Variants in MACROD2 observed in about 807,000 individuals in gnomAD.
MACROD2 encodes ADP-ribose glycohydrolase MACROD2.
MACROD2 carries 36 observed loss-of-function variants against 70.4 expected under a neutral mutation model. The observed-to-expected ratio is 0.51, with a 90% CI of 0.39 to 0.68. The LOEUF is 0.68. Among genes scored for constraint, MACROD2 ranks in the 30% least tolerant of loss-of-function variants. The probability of loss-of-function intolerance (pLI) is 0.00; values close to 1 mark genes in which losing one functional copy is unlikely to be tolerated. For synonymous variants in MACROD2, 172 were observed against 178.8 expected, an observed-to-expected ratio of 0.96 and a Z score of 0.30; for missense variants, 496 against 538.4, an observed-to-expected ratio of 0.92 and a Z score of 0.78.
chr20:14,453,061 G>A (rs1343035708), intron 3 of MACROD2, among the ~76,000 whole-genome samples: 1 of 152,140 alleles, frequency 6.6e-6, no homozygotes, highest in African/African-American at 2.4e-5. Flanking sequence ...AAAGAAAGAG[G>A]TTTTGAAGGG....
chr20:15,270,692 C>T (rs899688951), intron 6 of MACROD2, among the ~76,000 whole-genome samples: 2 of 152,152 alleles, frequency 1.3e-5, no homozygotes, highest in Admixed American at 1.3e-4. Context: ...CTGCCTCTGT[C>T]ATCAGTTCTG....
chr20:14,326,456 C>G lies in MACROD2; in HGVS notation c.272-167023C>G. On this transcript the variant is annotated intron_variant, in intron 3 of 17. Transcript: ENST00000684519. This position sits in a 1 kb window ranked among gnomAD's most constrained non-coding sequence, Gnocchi z 5.5. Reference sequence around the variant, plus strand: ...CCACTGTCCTTACAATCAAACAGTTCTGCATTGAGATCCTTAATAGCCATC... The same window carrying G: ...CCACTGTCCTTACAATCAAACAGTTGTGCATTGAGATCCTTAATAGCCATC... The G allele has an allele frequency of 3.1e-6, 5 of 1,613,844 alleles. No individual in the cohort carries two copies. Among genetic ancestry groups the G allele is most frequent in the Non-Finnish European group, 4.2e-6 (5 of 1,179,850 alleles).
intron 5 of MACROD2, among the ~76,000 whole-genome samples, chr20:14,910,009 A>G (rs2074007233): frequency 6.6e-6 from 1 of 152,164 alleles, no homozygotes; most frequent in Non-Finnish European, 1.5e-5. Context: ...TTCTAGCCAT[A>G]TCTTGCTAAT....
At chr20:14,196,557 A>T (rs1215916221) in intron 3 of MACROD2, among the ~76,000 whole-genome samples, 1 of 152,234 alleles carries the variant, frequency 6.6e-6, no homozygotes, top group East Asian at 1.9e-4. Flanking sequence ...ACCAAATATT[A>T]GTTTGAACTC....
intron 4 of MACROD2, among the ~76,000 whole-genome samples, chr20:14,526,755 A>C (rs899484401): frequency 6.6e-6 from 1 of 152,216 alleles, no homozygotes; most frequent in Non-Finnish European, 1.5e-5. Context: ...CTAGGGGAGC[A>C]TACAAACTGA....
chr20:14,102,668 A>C (rs529173597), intron 3 of MACROD2, among the ~76,000 whole-genome samples: 10 of 152,158 alleles, frequency 6.6e-5, no homozygotes, highest in Admixed American at 3.9e-4. Flanking sequence ...AAATTGTCCA[A>C]ATCACCACTG....
intron 5 of MACROD2, among the ~76,000 whole-genome samples, chr20:14,786,470 T>C (rs1322448997): frequency 6.6e-6 from 1 of 151,932 alleles, no homozygotes; most frequent in Non-Finnish European, 1.5e-5. Flanking sequence ...TTTCTTCTGC[T>C]GGCCAAAGTT....
intron 2 of MACROD2, among the ~76,000 whole-genome samples, chr20:14,005,583 G>A (rs967239160): frequency 6.6e-5 from 10 of 151,914 alleles, no homozygotes; most frequent in Middle Eastern, 3.2e-3. Flanking sequence ...AATCTACAAG[G>A]GACAATTCTT....
chr20:15,269,125 G>A (rs2077323197), intron 6 of MACROD2, among the ~76,000 whole-genome samples: 1 of 152,184 alleles, frequency 6.6e-6, no homozygotes, highest in African/African-American at 2.4e-5. Context: ...TGATTTCATT[G>A]GATTATAAAT....
intron 5 of MACROD2, among the ~76,000 whole-genome samples, chr20:15,001,563 C>T (rs902368006): frequency 6.6e-5 from 10 of 151,984 alleles, no homozygotes; most frequent in Non-Finnish European, 1.3e-4. Context: ...TTTGCAAGTA[C>T]GCTGCAATAT....
chr20:15,741,356 C>A (rs2051103605), intron 8 of MACROD2, among the ~76,000 whole-genome samples: 1 of 151,834 alleles, frequency 6.6e-6, no homozygotes, highest in African/African-American at 2.4e-5. Context: ...ACCTCAGCCT[C>A]CCAAAGTGCT....
chr20:14,508,448 C>T (rs2084993319), intron 4 of MACROD2, among the ~76,000 whole-genome samples: 1 of 152,168 alleles, frequency 6.6e-6, no homozygotes. Flanking sequence ...ACACAGTCTT[C>T]ATGCAAACGG....
intron 7 of MACROD2, among the ~76,000 whole-genome samples, chr20:15,481,074 A>C (rs976687601): frequency 2.6e-5 from 4 of 152,234 alleles, no homozygotes; most frequent in African/African-American, 9.6e-5. Context: ...TTCTTCAAAC[A>C]TGAAGGACCA....
At chr20:15,742,432 T>C (rs558991708) in intron 8 of MACROD2, among the ~76,000 whole-genome samples, 1 of 152,238 alleles carries the variant, frequency 6.6e-6, no homozygotes, top group Non-Finnish European at 1.5e-5. Flanking sequence ...TTGATCTAAA[T>C]TATCTGAGTA....
intron 4 of MACROD2, among the ~76,000 whole-genome samples, chr20:14,653,225 T>TC (rs1985776270): frequency 6.6e-6 from 1 of 150,566 alleles, no homozygotes; most frequent in South Asian, 2.1e-4. Flanking sequence ...AATTTTTTTT[T>TC]TTTTTTTTTT....
intron 4 of MACROD2, among the ~76,000 whole-genome samples, chr20:14,565,601 A>G (rs1979746656): frequency 6.6e-6 from 1 of 151,984 alleles, no homozygotes; most frequent in Admixed American, 6.6e-5. Context: ...CAAGTCCTAA[A>G]CTATTCTAAA....
intron 3 of MACROD2, among the ~76,000 whole-genome samples, chr20:14,348,431 G>T (rs1320165633): frequency 2.0e-5 from 3 of 151,934 alleles, no homozygotes. Flanking sequence ...ACCAGTTCAG[G>T]ATGTGTTATC....
rs560304296 is a variant in MACROD2, at chr20:14,690,978, C to T, written c.418+6019C>T. On this transcript the variant is annotated intron_variant, in intron 5 of 17. Transcript: ENST00000684519. ...TGTCGCCCAGGCTGGAGTGCAATGG[C>T]GCGATCTTGGCTCACTGCAACCTCC... Among the ~76,000 whole-genome samples, 176 of 152,258 alleles carry T rather than the reference C, an allele frequency of 1.2e-3. 1 individual carries two copies. Among genetic ancestry groups the T allele is most frequent in the African/African-American group, 4.0e-3 (165 of 41,546 alleles).
rs1380893720 is a variant in MACROD2, at chr20:15,359,526, A to ATTTATTAATTTATAAGAAATTAATAAAT, written c.541-71867_541-71840dup. The stretch of plus-strand genomic sequence containing the variant: ...TTAATATATACACAATAATTTCTTA[A>ATTTATTAATTTATAAGAAATTAATAAAT]TTTATTAATTTATAAGAAATTAATA... On this transcript the variant is annotated intron_variant, in intron 6 of 17. Coordinates refer to ENST00000684519, the MANE Select transcript of MACROD2 (RefSeq NM_001351661.2). 9.8e-4 allele frequency among the ~76,000 whole-genome samples: 148 copies of ATTTATTAATTTATAAGAAATTAATAAAT among 151,462 alleles called. 1 individual carries two copies. Among genetic ancestry groups the ATTTATTAATTTATAAGAAATTAATAAAT allele is most frequent in the East Asian group, 3.1e-3 (16 of 5,170 alleles).
Sources: gnomAD v4.1 joint callset for allele counts (sites outside exome capture counted in the v4.1 genomes callset) on GRCh38, gnomAD v4.1.1 for gene constraint, Gnocchi (gnomAD v3.1) non-coding constraint, MANE v1.5 for transcripts, NCBI Gene and HGNC (gene_info 2026-07-23, HGNC 2026-07-21) for gene names.